The following SUGCT variants were observed in gnomAD, a reference collection of about 807,000 sequenced individuals.
SUGCT encodes succinyl-CoA:glutarate CoA-transferase.
SUGCT carries 41 observed loss-of-function variants against 55.0 expected under a neutral mutation model. The observed-to-expected ratio is 0.74, with a 90% CI of 0.58 to 0.97. SUGCT has a LOEUF of 0.97. SUGCT is among the 50% of genes least tolerant of loss of function. The pLI, the probability that SUGCT is intolerant of heterozygous loss-of-function variation, is 0.00. For missense variants in SUGCT, 568 were observed against 547.8 expected (o/e 1.04, Z -0.37); for synonymous variants, 187 against 200.4 (o/e 0.93, Z 0.56).
chr7:40,838,774 A>G (rs1793125075), intron 13 of SUGCT, among the ~76,000 whole-genome samples: 2 of 152,114 alleles, frequency 1.3e-5, no homozygotes. Flanking sequence ...GCTAGAACTT[A>G]CAGTACTTTG....
chr7:40,286,727 C>T (rs538263422), intron 8 of SUGCT, among the ~76,000 whole-genome samples: 17 of 152,276 alleles, frequency 1.1e-4, no homozygotes, highest in Admixed American at 4.6e-4. Context: ...TTCATACTCA[C>T]GTGAAGAATA....
At chr7:40,444,927 G>A (rs928832531) in intron 9 of SUGCT, among the ~76,000 whole-genome samples, 2 of 152,110 alleles carry the variant, frequency 1.3e-5, no homozygotes, top group South Asian at 4.1e-4. Flanking sequence ...AGAGTTTTTA[G>A]CATGAAGCGC....
intron 9 of SUGCT, among the ~76,000 whole-genome samples, chr7:40,441,962 T>G (rs1275760860): frequency 1.3e-5 from 2 of 152,076 alleles, no homozygotes; most frequent in Admixed American, 6.6e-5. Context: ...ATTACTTCCT[T>G]CATATGACTC....
At chr7:40,835,881 CT>C (rs1228370154) in intron 13 of SUGCT, among the ~76,000 whole-genome samples, 1 of 145,854 alleles carries the variant, frequency 6.9e-6, no homozygotes, top group Non-Finnish European at 1.5e-5. Context: ...CTTCCATTTT[CT>C]TTTTTTTCTT....
At chr7:40,481,961 C>G (rs942524384) in intron 11 of SUGCT, among the ~76,000 whole-genome samples, 3 of 152,036 alleles carry the variant, frequency 2.0e-5, no homozygotes, top group Non-Finnish European at 4.4e-5. Flanking sequence ...GAGATGAGGA[C>G]TTTTGTCTAT....
intron 13 of SUGCT, among the ~76,000 whole-genome samples, chr7:40,838,284 A>G (rs1253686656): frequency 6.6e-6 from 1 of 152,214 alleles, no homozygotes; most frequent in Non-Finnish European, 1.5e-5. Flanking sequence ...CTGTGTTTAC[A>G]GGAGAAAACA....
the SUGCT span, among the ~76,000 whole-genome samples, chr7:40,881,151 T>G: frequency 6.6e-6 from 1 of 152,190 alleles, no homozygotes; most frequent in Non-Finnish European, 1.5e-5. Context: ...GTGGGTAACA[T>G]GTTCTCCCAT....
At chr7:40,256,613 CTTTG>C (rs1050875266) in intron 7 of SUGCT, among the ~76,000 whole-genome samples, 7 of 152,234 alleles carry the variant, frequency 4.6e-5, no homozygotes, top group Admixed American at 3.9e-4. Flanking sequence ...GATTCAAGCC[CTTTG>C]TTTGGACTGG....
At chr7:40,403,292 TAGAG>T (rs923736420) in intron 9 of SUGCT, among the ~76,000 whole-genome samples, 1 of 152,166 alleles carries the variant, frequency 6.6e-6, no homozygotes, top group African/African-American at 2.4e-5. Flanking sequence ...TGTCAATAAA[TAGAG>T]AGTTCCATGC....
the SUGCT span, among the ~76,000 whole-genome samples, chr7:41,002,583 T>C: frequency 6.9e-6 from 1 of 145,928 alleles, no homozygotes; most frequent in Non-Finnish European, 1.5e-5. Context: ...GTGTCCATTT[T>C]AGATTTAACA....
chr7:40,649,964 C>T (rs1230178275), intron 12 of SUGCT, among the ~76,000 whole-genome samples: 2 of 152,218 alleles, frequency 1.3e-5, no homozygotes, highest in Non-Finnish European at 2.9e-5. Flanking sequence ...GGAACCTGAG[C>T]ATGGCTTAGT....
At chr7:40,179,568 C>G (rs1314450798) in intron 1 of SUGCT, among the ~76,000 whole-genome samples, 2 of 152,202 alleles carry the variant, frequency 1.3e-5, no homozygotes, top group African/African-American at 4.8e-5. Flanking sequence ...CAGGCGTGAG[C>G]CACCATGCCC....
intron 13 of SUGCT, among the ~76,000 whole-genome samples, chr7:40,824,757 G>A (rs1792229293): frequency 6.6e-6 from 1 of 152,220 alleles, no homozygotes; most frequent in Admixed American, 6.5e-5. Flanking sequence ...TCATCCCATA[G>A]TGGAAAGCAG....
chr7:40,937,718 A>T, the SUGCT span, among the ~76,000 whole-genome samples: 1 of 152,062 alleles, frequency 6.6e-6, no homozygotes, highest in Admixed American at 6.6e-5. Flanking sequence ...TGTCCGTTCT[A>T]GCTCTCTTTT....
At chr7:40,655,117 G>A (rs188792391) in intron 12 of SUGCT, among the ~76,000 whole-genome samples, 1 of 152,082 alleles carries the variant, frequency 6.6e-6, no homozygotes, top group Non-Finnish European at 1.5e-5. Context: ...AGCATAGCGA[G>A]ACCCTGTTTC....
chr7:40,448,417 G>A (rs953992871), intron 9 of SUGCT, among the ~76,000 whole-genome samples: 1 of 151,960 alleles, frequency 6.6e-6, no homozygotes, highest in Non-Finnish European at 1.5e-5. Flanking sequence ...AATGAATAGA[G>A]TATTTTATTT....
At chr7:40,473,279 C>T (rs1448928322) in intron 11 of SUGCT, among the ~76,000 whole-genome samples, 1 of 152,190 alleles carries the variant, frequency 6.6e-6, no homozygotes, top group Non-Finnish European at 1.5e-5. Context: ...GCAACATGCA[C>T]ATGCAAAAGC....
chr7:41,024,704 A>G, the SUGCT span, among the ~76,000 whole-genome samples: 1 of 150,968 alleles, frequency 6.6e-6, no homozygotes, highest in African/African-American at 2.4e-5. Flanking sequence ...CAAGTAAGAG[A>G]GAGGAAGTGT....
At chr7:40,515,630 T>C (rs1250852978) in intron 12 of SUGCT, among the ~76,000 whole-genome samples, 1 of 152,244 alleles carries the variant, frequency 6.6e-6, no homozygotes, top group Non-Finnish European at 1.5e-5. Context: ...TCTTCCATGT[T>C]GTAGCATGTA....
Sources: gnomAD v4.1 joint callset for allele counts (sites outside exome capture counted in the v4.1 genomes callset) on GRCh38, gnomAD v4.1.1 for gene constraint, MANE v1.5 for transcripts, NCBI Gene and HGNC (gene_info 2026-07-23, HGNC 2026-07-21) for gene names.